FBXL17: variants seen among roughly 807,000 people sequenced by gnomAD.
FBXL17 encodes the protein F-box and leucine rich repeat protein 17.
In FBXL17, 22 loss-of-function variants were observed where a neutral mutation model predicts 66.2. That is an observed-to-expected ratio of 0.33 (90% CI 0.24 to 0.47). FBXL17 has a LOEUF of 0.47. Among genes scored for constraint, FBXL17 ranks in the 20% least tolerant of loss-of-function variants. The probability of loss-of-function intolerance (pLI) is 1.00; values close to 1 mark genes in which losing one functional copy is unlikely to be tolerated. For missense variants in FBXL17, 878 were observed against 948.2 expected (o/e 0.93, Z 0.97); for synonymous variants, 474 against 400.5 (o/e 1.18, Z -2.19).
At chr5:107,906,586 G>T (rs1011286009) in intron 7 of FBXL17, among the ~76,000 whole-genome samples, 10 of 152,054 alleles carry the variant, frequency 6.6e-5, no homozygotes, top group Non-Finnish European at 1.0e-4. Context: ...TAAGAAGTAG[G>T]GACAGGACTG....
At chr5:107,910,511 G>C (rs971908100) in intron 7 of FBXL17, among the ~76,000 whole-genome samples, 13 of 151,976 alleles carry the variant, frequency 8.6e-5, no homozygotes, top group Non-Finnish European at 1.8e-4. Context: ...AACAAGTTAA[G>C]AGATGCCTCA....
At chr5:108,028,568 C>T (rs288160) in intron 6 of FBXL17, among the ~76,000 whole-genome samples, 52,756 of 151,954 alleles carry the variant, frequency 0.35, 9,437 homozygotes, top group East Asian at 0.54. Context: ...CTCTGCTTTG[C>T]AGTGACTAAT....
chr5:107,890,790 G>A (rs979946868), intron 7 of FBXL17, among the ~76,000 whole-genome samples: 1 of 152,142 alleles, frequency 6.6e-6, no homozygotes, highest in African/African-American at 2.4e-5. Flanking sequence ...AATAAACATT[G>A]TAAAAGTATT....
intron 8 of FBXL17, among the ~76,000 whole-genome samples, chr5:107,875,329 C>A (rs1748588157): frequency 6.6e-6 from 1 of 152,152 alleles, no homozygotes; most frequent in Non-Finnish European, 1.5e-5. Flanking sequence ...TAGTTCTGTA[C>A]ATTAGTTACA....
chr5:108,234,607 G>A (rs934461932), intron 4 of FBXL17, among the ~76,000 whole-genome samples: 1 of 152,170 alleles, frequency 6.6e-6, no homozygotes, highest in African/African-American at 2.4e-5. Flanking sequence ...AAGGCACAAT[G>A]GGTCTACTTT....
rs147238660 is a variant in FBXL17 at position 107,930,590 on chromosome 5, C to T, written c.1823-49411G>A. ...AGTGGAAGAAATGATTATGTGTGCT[C>T]ATTTTACGTGGCAGCCCCAGTGCCC... is the stretch of plus-strand genomic sequence containing the variant. On this transcript the variant is annotated intron_variant, in intron 7 of 8. Transcript: ENST00000542267. Among the ~76,000 whole-genome samples, 866 of 152,336 alleles carry T rather than the reference C, an allele frequency of 5.7e-3. 9 individuals carry two copies. Among genetic ancestry groups the T allele is most frequent in the African/African-American group, 0.02 (837 of 41,578 alleles).
intron 4 of FBXL17, among the ~76,000 whole-genome samples, chr5:108,296,512 C>T (rs1758356334): frequency 6.6e-6 from 1 of 151,654 alleles, no homozygotes; most frequent in African/African-American, 2.4e-5. Context: ...AAAAAATCAA[C>T]CTCCCTAAAA....
At chr5:108,344,823 T>C (rs1315252327) in intron 4 of FBXL17, among the ~76,000 whole-genome samples, 1 of 152,200 alleles carries the variant, frequency 6.6e-6, no homozygotes, top group African/African-American at 2.4e-5. Flanking sequence ...AATAGCTTTG[T>C]GGCATGCACT....
chr5:108,275,966 C>T (rs1580730347), intron 4 of FBXL17, among the ~76,000 whole-genome samples: 1 of 151,974 alleles, frequency 6.6e-6, no homozygotes, highest in Non-Finnish European at 1.5e-5. Flanking sequence ...TTCAACATAA[C>T]CAGGAGAAAA....
rs1358312901 is a variant in FBXL17 at position 108,055,306 on chromosome 5, AAAAAAAAG to A, written c.1746-34313_1746-34306del. Reference sequence around the variant, plus strand: ...AAAAAAAAAAAAAAAAAAAAAAAAAAAAAAAAAGAAAAACGCTTCAGGCCGGGCACGGT... The same window carrying A: ...AAAAAAAAAAAAAAAAAAAAAAAAAAAAAAACGCTTCAGGCCGGGCACGGT... On this transcript the variant is annotated intron_variant, in intron 6 of 8. Coordinates refer to ENST00000542267, the MANE Select transcript of FBXL17 (RefSeq NM_001163315.3). Among the ~76,000 whole-genome samples the A allele has an allele frequency of 6.3e-3, 143 of 22,792 alleles. 5 individuals carry two copies. The highest frequency in any genetic ancestry group is 9.1e-3 in the East Asian group (6 of 658). 15.0% of individuals were successfully genotyped at this position (22,792 alleles called of 152,430 possible).
At chr5:108,255,339 T>C (rs1463654281) in intron 4 of FBXL17, among the ~76,000 whole-genome samples, 5 of 152,168 alleles carry the variant, frequency 3.3e-5, no homozygotes, top group Admixed American at 2.0e-4. Flanking sequence ...TGTTCCTATC[T>C]TATCTTTGTA....
At chr5:108,300,202 T>G (rs1758524503) in intron 4 of FBXL17, among the ~76,000 whole-genome samples, 1 of 151,950 alleles carries the variant, frequency 6.6e-6, no homozygotes, top group Non-Finnish European at 1.5e-5. Context: ...TACTCATTGA[T>G]ACTAAAGAAC....
chr5:108,367,073 A>T (rs1748714529), intron 2 of FBXL17, among the ~76,000 whole-genome samples: 1 of 152,112 alleles, frequency 6.6e-6, no homozygotes, highest in African/African-American at 2.4e-5. Context: ...CAGTTGCTAA[A>T]CATTTATCAG....
chr5:108,359,305 A>C (rs540914250), intron 3 of FBXL17, among the ~76,000 whole-genome samples: 171 of 151,886 alleles, frequency 1.1e-3, no homozygotes, highest in Middle Eastern at 6.8e-3. Flanking sequence ...GTCCTCTATC[A>C]TGTTTATCTC....
intron 7 of FBXL17, among the ~76,000 whole-genome samples, chr5:107,972,983 T>C (rs1188181536): frequency 6.6e-6 from 1 of 152,222 alleles, no homozygotes; most frequent in Non-Finnish European, 1.5e-5. Context: ...TCCATCCCTG[T>C]TAGTCCTCAT....
At chr5:108,051,773 G>C (rs989542935) in intron 6 of FBXL17, among the ~76,000 whole-genome samples, 4 of 151,970 alleles carry the variant, frequency 2.6e-5, no homozygotes, top group Non-Finnish European at 5.9e-5. Flanking sequence ...TCAGGAGATT[G>C]AGACCATCCT....
chr5:108,320,332 C>A (rs1759559170), intron 4 of FBXL17, among the ~76,000 whole-genome samples: 1 of 151,602 alleles, frequency 6.6e-6, no homozygotes, highest in Non-Finnish European at 1.5e-5. Flanking sequence ...CAGTAATCAT[C>A]TGGGAGAGCA....
chr5:108,222,093 C>T (rs1005328253), intron 5 of FBXL17, among the ~76,000 whole-genome samples: 3 of 152,172 alleles, frequency 2.0e-5, no homozygotes, highest in African/African-American at 7.2e-5. Flanking sequence ...AGAACCATTT[C>T]AGCAAATTGA....
chr5:107,892,006 C>A (rs773969466), intron 7 of FBXL17, among the ~76,000 whole-genome samples: 12 of 152,240 alleles, frequency 7.9e-5, no homozygotes, highest in Non-Finnish European at 1.6e-4. Flanking sequence ...GCCTAGCCCA[C>A]CTTAAATGTG....
Sources: allele counts gnomAD v4.1 joint callset (sites outside exome capture counted in the v4.1 genomes callset), GRCh38; gene constraint gnomAD v4.1.1; transcripts MANE v1.5; gene names NCBI Gene and HGNC (gene_info 2026-07-23, HGNC 2026-07-21).